The following DOCK9 variants were observed in gnomAD, a reference collection of about 807,000 sequenced individuals.
DOCK9 encodes dedicator of cytokinesis protein 9.
DOCK9 carries 89 observed loss-of-function variants against 263.3 expected under a neutral mutation model. That is an observed-to-expected ratio of 0.34 (90% CI 0.28 to 0.40). DOCK9 has a LOEUF of 0.40. DOCK9 is among the 10% of genes least tolerant of loss of function. The pLI is 1.00. For synonymous variants in DOCK9, 976 were observed against 973.1 expected (o/e 1.00, Z -0.06); for missense variants, 2,140 against 2,603.4 (o/e 0.82, Z 3.87).
At chr13:98,831,872 T>G in intron 39 of DOCK9, 86 bp from the exon 40 acceptor site, 1 of 1,504,416 alleles carries the variant, frequency 6.6e-7, no homozygotes. Flanking sequence ...AATTACATTT[T>G]CTAAGTATTA....
chr13:99,074,700 CT>C (rs2041837839), intron 1 of DOCK9, among the ~76,000 whole-genome samples: 1 of 152,196 alleles, frequency 6.6e-6, no homozygotes, highest in African/African-American at 2.4e-5. Flanking sequence ...CAGAAACTGC[CT>C]CTTCTTTTCC....
At chr13:98,885,680 A>C in intron 20 of DOCK9, 28 bp downstream of exon 20, 2 of 1,578,054 alleles carry the variant, frequency 1.3e-6, no homozygotes, top group Non-Finnish European at 1.7e-6. Flanking sequence ...AATTATTTAA[A>C]ATCAAAGGAA....
intron 27 of DOCK9, among the ~76,000 whole-genome samples, chr13:98,874,093 A>G (rs148843507): frequency 2.6e-5 from 4 of 152,356 alleles, no homozygotes; most frequent in East Asian, 1.9e-4. Flanking sequence ...ACAAGTGAAT[A>G]TAACTGTAAC....
rs374983109 is a variant in DOCK9 at position 98,883,105 on chromosome 13, C to T, written c.2496G>A (p.Gln832=). The T allele has an allele frequency of 4.2e-5, 67 of 1,613,410 alleles. No individual in the cohort carries two copies. The highest frequency in any genetic ancestry group is 4.8e-5 in the Non-Finnish European group (57 of 1,179,788). ...TQDQHLHNFF[Q]YCQKTESGAQ... ...CTCCAGATTCGGTTTTCTGACAGTA[C>T]TGGAAAAAATTATGTAAATGCTGAT... Residue 832 remains glutamine (Q), a synonymous_variant, in exon 23 of 53, where the codon CAG becomes CAA. Coordinates refer to ENST00000682017, the MANE Select transcript of DOCK9 (RefSeq NM_001366683.2).
chr13:98,902,147 T>G, intron 12 of DOCK9, 141 bp downstream of exon 12: 1 of 1,032,496 alleles, frequency 9.7e-7, no homozygotes. Flanking sequence ...TTGCTTTTAC[T>G]GTCTAATAAT....
At chr13:98,981,439 C>A (rs569041696), upstream of DOCK9, among the ~76,000 whole-genome samples, 27 of 152,248 alleles carry the variant, frequency 1.8e-4, no homozygotes, top group South Asian at 5.6e-3. Context: ...ACAAGGCTGG[C>A]AATGTGTTTG....
intron 33 of DOCK9, chr13:98,860,095 C>A: frequency 6.7e-6 from 6 of 893,418 alleles, no homozygotes; most frequent in Non-Finnish European, 7.3e-6. Flanking sequence ...GCAAAAATAT[C>A]CCTTAACAGT....
In DOCK9 at chr13:98,863,131, C is replaced by A; in HGVS notation, c.3467G>T (p.Ser1156Ile). 1.2e-6 allele frequency: 2 copies of A among 1,601,492 alleles called. No homozygotes were observed. Among genetic ancestry groups the A allele is most frequent in the African/African-American group, 2.7e-5 (2 of 74,864 alleles). Residue 1156 changes from serine to isoleucine, a missense_variant and splice_region_variant, in exon 32 of 53, where the codon AGC becomes ATC. Physicochemically the swap from Ser to Ile is moderately radical, Grantham distance 142. Coordinates refer to ENST00000682017, the MANE Select transcript of DOCK9 (RefSeq NM_001366683.2). ...GAGGGTGGCTATCCTTGCCTGATGG[C>A]TCTGAAAAGAAGACACACATGGTAA... The part of the protein sequence containing the change: ...HSFDDRYASR[S>I]HQARIATLYL...
intron 1 of DOCK9, among the ~76,000 whole-genome samples, chr13:98,956,223 G>T: frequency 6.6e-6 from 1 of 152,176 alleles, no homozygotes; most frequent in East Asian, 1.9e-4. Context: ...GGAAAAAGAG[G>T]TAACGAGTAA....
chr13:98,918,909 A>G (rs1480148184), intron 7 of DOCK9, among the ~76,000 whole-genome samples: 1 of 152,214 alleles, frequency 6.6e-6, no homozygotes, highest in East Asian at 1.9e-4. Flanking sequence ...CAATTCATCC[A>G]GACTAGAGGC....
chr13:98,973,778 TG>T (rs907786588), intron 1 of DOCK9, among the ~76,000 whole-genome samples: 4 of 152,144 alleles, frequency 2.6e-5, no homozygotes, highest in African/African-American at 9.7e-5. Flanking sequence ...TTGTATTTTT[TG>T]TAGAGACGGA....
At chr13:98,826,978 C>T (rs1223747262) in intron 43 of DOCK9, 91 bp from the exon 44 acceptor site, 18 of 931,664 alleles carry the variant, frequency 1.9e-5, no homozygotes, top group African/African-American at 3.3e-5. Context: ...AATGTATGAA[C>T]GTATATATTA....
intron 1 of DOCK9, among the ~76,000 whole-genome samples, chr13:98,992,193 C>T (rs1001270141): frequency 6.6e-6 from 1 of 151,568 alleles, no homozygotes; most frequent in African/African-American, 2.4e-5. Flanking sequence ...GGATAAGCTT[C>T]AGGAGATGGG....
Position 98,822,461 on chromosome 13 carries a change from T to G in DOCK9, c.5130+1937A>C, listed in dbSNP as rs559105782. On this transcript the variant is annotated intron_variant, in intron 45 of 52. Coordinates refer to ENST00000682017, the MANE Select transcript of DOCK9 (RefSeq NM_001366683.2). ...TTTAATTGTTCCTGGCATCGTTGCT[T>G]TCCTTATCTAATTCCAAACAAAATG... 3.3e-5 allele frequency among the ~76,000 whole-genome samples: 5 copies of G among 152,324 alleles called. No homozygotes were observed. In the South Asian group the frequency reaches 1.0e-3, roughly 32 times the overall value.
rs2092479773 is a variant in DOCK9 at position 98,825,309 on chromosome 13, T to C, written c.5024-805A>G. On this transcript the variant is annotated intron_variant, in intron 44 of 52. Transcript: ENST00000682017. This position sits in a 1 kb window ranked among gnomAD's most constrained non-coding sequence, Gnocchi z 4.1. ...AGAAGGGCATGAGATGTTCCACTACTCTATTTTGAGATAACTGTTCACAAT... is the reference window on the plus strand; with the variant it reads ...AGAAGGGCATGAGATGTTCCACTACCCTATTTTGAGATAACTGTTCACAAT... Among the ~76,000 whole-genome samples, 1 of 152,214 alleles carries C rather than the reference T, an allele frequency of 6.6e-6. No individual in the cohort carries two copies. The highest frequency in any genetic ancestry group is 2.1e-4 in the South Asian group (1 of 4,836).
In DOCK9 at chr13:98,845,387, A is replaced by G. The variant is rs771779035; in HGVS notation, c.4198+537T>C. 5.9e-6 allele frequency: 8 copies of G among 1,351,178 alleles called. No homozygotes were observed. In the African/African-American group the frequency reaches 1.0e-4, roughly 18 times the overall value. 83.7% of individuals were successfully genotyped at this position (1,351,178 alleles called of 1,614,324 possible). A position where few individuals can be genotyped will look rare whatever the true frequency, so the allele number is the denominator to read the frequency against. On this transcript the variant is annotated intron_variant, in intron 38 of 52. Coordinates refer to ENST00000682017, the MANE Select transcript of DOCK9 (RefSeq NM_001366683.2). Reference sequence around the variant, plus strand: ...TCTTTCTCACACTGAAAACACAGAAAAAGTCACTTTGTTATTGGATGCTTT... The same window carrying G: ...TCTTTCTCACACTGAAAACACAGAAGAAGTCACTTTGTTATTGGATGCTTT...
upstream of DOCK9, among the ~76,000 whole-genome samples, chr13:98,979,984 C>A (rs192814087): frequency 3.1e-4 from 47 of 152,284 alleles, no homozygotes; most frequent in Admixed American, 5.2e-4. Context: ...GCCATTAAGC[C>A]ATCAGAATGT....
chr13:98,902,144 T>C, intron 12 of DOCK9, 144 bp downstream of exon 12: 1 of 1,029,954 alleles, frequency 9.7e-7, no homozygotes, highest in Non-Finnish European at 1.4e-6. Flanking sequence ...AGCTTGCTTT[T>C]ACTGTCTAAT....
Position 98,800,498 on chromosome 13 carries a change from G to A in DOCK9, c.5726-20C>T, listed in dbSNP as rs1339572149. On this transcript the variant is annotated intron_variant, in intron 49 of 52. Transcript: ENST00000682017. ...GTATGGCTGCAGAGGGTAAGCCCCAGAATTACTGCATGGCTTGCACGAGCT... is the reference window on the plus strand; with the variant it reads ...GTATGGCTGCAGAGGGTAAGCCCCAAAATTACTGCATGGCTTGCACGAGCT... 19 of 1,607,200 alleles carry A rather than the reference G, an allele frequency of 1.2e-5. No homozygotes were observed. The highest frequency in any genetic ancestry group is 1.6e-5 in the Non-Finnish European group (19 of 1,174,564).
Sources: gnomAD v4.1 joint callset for allele counts (sites outside exome capture counted in the v4.1 genomes callset) on GRCh38, gnomAD v4.1.1 for gene constraint, Gnocchi (gnomAD v3.1) non-coding constraint, MANE v1.5 for transcripts, NCBI Gene and HGNC (gene_info 2026-07-23, HGNC 2026-07-21) for gene names.